The following THRB variants were observed in gnomAD, a reference collection of about 807,000 sequenced individuals.
THRB encodes the protein nuclear receptor subfamily 1 group A member 2.
A neutral mutation model predicts 47.8 loss-of-function variants in THRB; 12 were observed. That is an observed-to-expected ratio of 0.25 (90% confidence interval 0.16 to 0.41). The LOEUF (loss-of-function observed/expected upper bound fraction) is 0.41. Ranked by LOEUF, THRB falls within the 10% of genes least tolerant of loss-of-function variation. The probability of loss-of-function intolerance (pLI) is 1.00; values close to 1 mark genes in which losing one functional copy is unlikely to be tolerated. For synonymous variants in THRB, 218 were observed against 212.2 expected, an observed-to-expected ratio of 1.03 and a Z score of -0.24; for missense variants, 348 against 589.2, an observed-to-expected ratio of 0.59 and a Z score of 4.24.
chr3:24,281,782 A>C (rs988536467), intron 3 of THRB, among the ~76,000 whole-genome samples: 7 of 149,772 alleles, frequency 4.7e-5, no homozygotes, highest in Non-Finnish European at 8.9e-5. Flanking sequence ...AGGGGTTGCA[A>C]TCCTAGTCTC....
intron 2 of THRB, among the ~76,000 whole-genome samples, chr3:24,312,622 A>G (rs2057831427): frequency 6.6e-6 from 1 of 152,138 alleles, no homozygotes; most frequent in Admixed American, 6.5e-5. Flanking sequence ...ATATCCTTCA[A>G]TAATTTTCAC....
intron 8 of THRB, among the ~76,000 whole-genome samples, chr3:24,135,844 T>TAA (rs146282165): frequency 0.04 from 3,513 of 87,578 alleles, 110 homozygotes; most frequent in African/African-American, 0.08. Flanking sequence ...TATATATATA[T>TAA]ATAATACATA....
intron 1 of THRB, chr3:24,458,653 A>C (rs947155232): frequency 6.6e-6 from 1 of 152,194 alleles, no homozygotes; most frequent in East Asian, 1.9e-4. Flanking sequence ...CCTACAGTGC[A>C]GCAAATGTAT....
At chr3:24,195,205 G>T (rs2043816144) in intron 4 of THRB, among the ~76,000 whole-genome samples, 1 of 152,110 alleles carries the variant, frequency 6.6e-6, no homozygotes, top group African/African-American at 2.4e-5. Context: ...ATAATGTTTG[G>T]TTGAGCATTT....
chr3:24,489,175 G>A (rs1176451066), intron 1 of THRB, among the ~76,000 whole-genome samples: 1 of 151,936 alleles, frequency 6.6e-6, no homozygotes, highest in South Asian at 2.1e-4. Flanking sequence ...CTAGGAGGTG[G>A]AGGTTGCAGT....
rs369825923 is a variant in THRB, at chr3:24,146,633, A to G, written c.532+42T>C. 27 of 1,609,724 alleles carry G rather than the reference A, an allele frequency of 1.7e-5. No homozygotes were observed. In the African/African-American group the frequency reaches 2.0e-4, roughly 12 times the overall value. On this transcript the variant is annotated intron_variant, in intron 7 of 10. Coordinates refer to ENST00000646209, the MANE Select transcript of THRB (RefSeq NM_001354712.2). Reference sequence around the variant, plus strand: ...TCTCCTTGAACCAAACTGTTTCCTAATCAACATTCCTTGAATATGAAGCAA... The same window carrying G: ...TCTCCTTGAACCAAACTGTTTCCTAGTCAACATTCCTTGAATATGAAGCAA...
intron 1 of THRB, among the ~76,000 whole-genome samples, chr3:24,382,680 C>G (rs1450523110): frequency 6.6e-6 from 1 of 151,996 alleles, no homozygotes; most frequent in African/African-American, 2.4e-5. Flanking sequence ...CAGAGAGAAG[C>G]CATCTATATC....
At chr3:24,330,277 G>A (rs1346731789) in intron 2 of THRB, among the ~76,000 whole-genome samples, 3 of 152,026 alleles carry the variant, frequency 2.0e-5, no homozygotes, top group Non-Finnish European at 4.4e-5. Context: ...ACTGCAGTCC[G>A]CAGTCCGGCC....
chr3:24,199,098 A>C (rs2044302145), intron 4 of THRB, among the ~76,000 whole-genome samples: 1 of 152,226 alleles, frequency 6.6e-6, no homozygotes, highest in Admixed American at 6.5e-5. Context: ...ACTACATGCC[A>C]GATAGCATCC....
intron 2 of THRB, among the ~76,000 whole-genome samples, chr3:24,330,690 C>T (rs2061868057): frequency 6.6e-6 from 1 of 152,140 alleles, no homozygotes; most frequent in Admixed American, 6.5e-5. Flanking sequence ...CAACACTTGC[C>T]CCAGCAAGCT....
chr3:24,370,566 C>T (rs559725882), intron 1 of THRB, among the ~76,000 whole-genome samples: 1 of 152,230 alleles, frequency 6.6e-6, no homozygotes, highest in South Asian at 2.1e-4. Context: ...TATGGAGTGA[C>T]TTCCTGGGAG....
intron 2 of THRB, among the ~76,000 whole-genome samples, chr3:24,317,833 G>C (rs2058226817): frequency 6.6e-6 from 1 of 152,196 alleles, no homozygotes; most frequent in South Asian, 2.1e-4. Flanking sequence ...AAGGTGGGCA[G>C]ATTGCTTAAG....
intron 1 of THRB, among the ~76,000 whole-genome samples, chr3:24,403,293 G>A (rs1256227409): frequency 2.6e-5 from 4 of 151,942 alleles, no homozygotes; most frequent in African/African-American, 7.2e-5. Context: ...TCAACATAAC[G>A]GTTAATCTCT....
intron 3 of THRB, among the ~76,000 whole-genome samples, chr3:24,259,856 ATG>A (rs984267074): frequency 1.1e-4 from 17 of 151,886 alleles, no homozygotes; most frequent in South Asian, 2.1e-4. Context: ...GATTAATTAA[ATG>A]TGTGTGTGTG....
intron 3 of THRB, among the ~76,000 whole-genome samples, chr3:24,263,987 G>T (rs974189993): frequency 5.9e-5 from 9 of 152,108 alleles, no homozygotes; most frequent in African/African-American, 2.2e-4. Context: ...CTTGGCATTG[G>T]CAGAACATAT....
At position 24,121,193 on chromosome 3, in the gene THRB, T is replaced by G. The variant is rs570409828; in HGVS notation, c.*1691A>C. ...AGGGCAGGAAGGGTTTTAGAGATCA[T>G]GACTTATTCACCAGGTAAGAAAACC... On this transcript the variant is annotated 3_prime_UTR_variant, in exon 11 of 11. Transcript: ENST00000646209. 6.6e-6 allele frequency: 1 copy of G among 152,362 alleles called. No individual in the cohort carries two copies. The highest frequency in any genetic ancestry group is 2.4e-5 in the African/African-American group (1 of 41,418). The allele number at this position is 152,362 out of a possible 1,614,324, so 9.4% of individuals were successfully genotyped here.
At position 24,181,262 on chromosome 3, in the gene THRB, T is replaced by C. The variant is rs539676683; in HGVS notation, c.283+8812A>G. Reference sequence around the variant, plus strand: ...ACAAGGGAAAATATGATTATCATATTGGAGGGCCACTTTAAAAATGGAGTG... The same window carrying C: ...ACAAGGGAAAATATGATTATCATATCGGAGGGCCACTTTAAAAATGGAGTG... On this transcript the variant is annotated intron_variant, in intron 5 of 10. Transcript: ENST00000646209. Among the ~76,000 whole-genome samples the C allele has an allele frequency of 6.0e-4, 92 of 152,362 alleles. 1 individual carries two copies. Among genetic ancestry groups the C allele is most frequent in the African/African-American group, 2.2e-3 (91 of 41,584 alleles).
At chr3:24,457,216 C>T (rs1260369526) in intron 1 of THRB, among the ~76,000 whole-genome samples, 1 of 152,120 alleles carries the variant, frequency 6.6e-6, no homozygotes, top group Non-Finnish European at 1.5e-5. Flanking sequence ...CAGGACAATA[C>T]TGAGGGGTAG....
chr3:24,347,100 A>G (rs1176459245), intron 1 of THRB, among the ~76,000 whole-genome samples: 1 of 152,064 alleles, frequency 6.6e-6, no homozygotes, highest in Non-Finnish European at 1.5e-5. Flanking sequence ...ATAACTAAAA[A>G]TTACACAAAT....
Sources: allele counts gnomAD v4.1 joint callset (sites outside exome capture counted in the v4.1 genomes callset), GRCh38; gene constraint gnomAD v4.1.1; transcripts MANE v1.5; gene names NCBI Gene and HGNC (gene_info 2026-07-23, HGNC 2026-07-21).